The following ATL3 variants were observed in gnomAD, a reference collection of about 807,000 sequenced individuals.
The protein encoded by ATL3 is atlastin GTPase 3, also known as atlastin-3.
In ATL3, 49 loss-of-function variants were observed where a neutral mutation model predicts 69.5. The observed-to-expected ratio is 0.71, with a 90% confidence interval of 0.56 to 0.89. The LOEUF (loss-of-function observed/expected upper bound fraction) is 0.89, where lower values mean the gene tolerates loss of function less well. Ranked by LOEUF, ATL3 falls within the 40% of genes least tolerant of loss-of-function variation. ATL3 has a pLI of 0.00. For missense variants in ATL3, 606 were observed against 645.7 expected (o/e 0.94, Z 0.67); for synonymous variants, 214 against 224.1 (o/e 0.95, Z 0.40).
intron 5 of ATL3, chr11:63,650,530 T>C (rs925788314): frequency 6.6e-6 from 1 of 152,226 alleles, no homozygotes; most frequent in African/African-American, 2.4e-5. Flanking sequence ...AACATATTAC[T>C]TTCTCCTCTG....
chr11:63,651,323 C>T (rs889978604), intron 5 of ATL3, among the ~76,000 whole-genome samples: 8 of 151,738 alleles, frequency 5.3e-5, no homozygotes, highest in East Asian at 1.9e-4. Context: ...GGCATGGTGG[C>T]GCACACCTGT....
chr11:63,658,727 T>C (rs2134522975), intron 3 of ATL3, 34 bp downstream of exon 3: 2 of 1,568,202 alleles, frequency 1.3e-6, no homozygotes, highest in Middle Eastern at 1.7e-4. Context: ...TTGTTGTTGT[T>C]GTTGTTAATC....
intron 4 of ATL3, 78 bp from the exon 5 acceptor site, chr11:63,652,064 A>C (rs978258987): frequency 1.2e-5 from 18 of 1,538,228 alleles, no homozygotes; most frequent in Non-Finnish European, 1.4e-5. Context: ...GGGCTGACAG[A>C]AGCTTTGAAC....
At chr11:63,636,404 T>A in intron 8 of ATL3, 70 bp from the exon 9 acceptor site, 1 of 1,593,388 alleles carries the variant, frequency 6.3e-7, no homozygotes, top group Non-Finnish European at 8.6e-7. Flanking sequence ...GAACACACAA[T>A]GCAGTCTTCC....
Position 63,629,423 on chromosome 11 carries a change from T to C in ATL3, c.1540-18A>G, listed in dbSNP as rs1939232636. ...GAAGAAGCCTGCAAAAGTCCATTTA[T>C]TCAACATATAAGTTAATAAAATACA... is the stretch of plus-strand genomic sequence containing the variant. On this transcript the variant is annotated intron_variant, in intron 12 of 12. Coordinates refer to ENST00000398868, the MANE Select transcript of ATL3 (RefSeq NM_015459.5). 2.5e-6 allele frequency: 4 copies of C among 1,605,972 alleles called. No individual in the cohort carries two copies. The African/African-American group carries it at 5.4e-5, about 21-fold the overall frequency.
chr11:63,652,226 A>G (rs1940099760), intron 4 of ATL3, among the ~76,000 whole-genome samples: 1 of 152,214 alleles, frequency 6.6e-6, no homozygotes, highest in African/African-American at 2.4e-5. Context: ...TGTATTTTCT[A>G]TATGATATAA....
chr11:63,653,167 C>G (rs1389395935), intron 3 of ATL3, among the ~76,000 whole-genome samples: 1 of 151,870 alleles, frequency 6.6e-6, no homozygotes, highest in African/African-American at 2.4e-5. Flanking sequence ...CGTGTCTCTA[C>G]CAAAAATACA....
chr11:63,633,270 T>C (rs1939387870), intron 10 of ATL3, among the ~76,000 whole-genome samples, 173 bp from the exon 11 acceptor site: 2 of 152,126 alleles, frequency 1.3e-5, no homozygotes, highest in Admixed American at 1.3e-4. Context: ...TTCTGCCAAA[T>C]TTTCTACCAA....
chr11:63,668,510 G>T (rs1940653446), intron 1 of ATL3, among the ~76,000 whole-genome samples: 1 of 152,180 alleles, frequency 6.6e-6, no homozygotes, highest in Admixed American at 6.5e-5. Flanking sequence ...TTTGTCTGTT[G>T]TAGAAAATCT....
In ATL3 at chr11:63,636,291, C is replaced by CA; in HGVS notation, c.893_894insT (p.Tyr299ValfsTer7). 1 of 1,614,036 alleles carries CA rather than the reference C, an allele frequency of 6.2e-7. No individual in the cohort carries two copies. The highest frequency in any genetic ancestry group is 8.5e-7 in the Non-Finnish European group (1 of 1,179,996). On this transcript the variant is annotated frameshift_variant, in exon 9 of 13. Coordinates refer to ENST00000398868, the MANE Select transcript of ATL3 (RefSeq NM_015459.5). LOFTEE classifies it high-confidence loss of function. Reference sequence around the variant, plus strand: ...TTAACTTAGATGGGTTTAATACATACGGTATCAGTGCCTGTAACTGCTCTT... The same window carrying CA: ...TTAACTTAGATGGGTTTAATACATACAGGTATCAGTGCCTGTAACTGCTCTT...
chr11:63,648,925 C>A (rs1939979887), intron 5 of ATL3, among the ~76,000 whole-genome samples: 2 of 152,056 alleles, frequency 1.3e-5, no homozygotes, highest in Admixed American at 6.6e-5. Flanking sequence ...TGAGGTCACT[C>A]TGACCAACAT....
At position 63,658,625 on chromosome 11, in the gene ATL3, G is replaced by A. The variant is rs76904415; in HGVS notation, c.405+136C>T. On this transcript the variant is annotated intron_variant, in intron 3 of 12. Coordinates refer to ENST00000398868, the MANE Select transcript of ATL3 (RefSeq NM_015459.5). ...AGACTAAAATTTCAGGACAAAACAG[G>A]GACTTTTTAACTTTTCTTACTTTAC... The A allele has an allele frequency of 1.1e-3, 1,095 of 992,508 alleles. 14 individuals carry two copies. The East Asian group carries it at 0.029, about 26-fold the overall frequency. The allele number at this position is 992,508 out of a possible 1,614,324, so 61.5% of individuals were successfully genotyped here. A position where few individuals can be genotyped will look rare whatever the true frequency, so the allele number is the denominator to read the frequency against.
chr11:63,630,426 CAAAA>C (rs758000337), intron 12 of ATL3, among the ~76,000 whole-genome samples: 1 of 31,268 alleles, frequency 3.2e-5, no homozygotes, highest in African/African-American at 8.6e-5. Context: ...AAATCTGTCT[CAAAA>C]AAAAAAAAAA....
intron 1 of ATL3, 97 bp downstream of exon 1, chr11:63,671,193 G>A: frequency 1.4e-6 from 2 of 1,454,060 alleles, no homozygotes; most frequent in Non-Finnish European, 1.8e-6. Flanking sequence ...CCGGGACGAG[G>A]AAGGGCGGCG....
At chr11:63,635,663 A>C in intron 9 of ATL3, 73 bp from the exon 10 acceptor site, 1 of 1,221,332 alleles carries the variant, frequency 8.2e-7, no homozygotes, top group Non-Finnish European at 1.2e-6. Context: ...ATTTTTAGAA[A>C]GTGACCATAC....
At position 63,671,328 on chromosome 11, in the gene ATL3, GA is replaced by G; in HGVS notation, c.7del (p.Ser3ProfsTer39). MLSPQRVAAAASR... is the reference protein window; with the variant it reads MLXPQRVAAAASR... ...GGCAGCTGCTGCCACTCGCTGAGGG[GA>G]CAACATGGAGCCTCCGCCTTCAAAG... is the stretch of plus-strand genomic sequence containing the variant. On this transcript the variant is annotated frameshift_variant, in exon 1 of 13. Transcript: ENST00000398868. LOFTEE classifies it high-confidence loss of function. 2.5e-6 allele frequency: 4 copies of G among 1,586,288 alleles called. No homozygotes were observed. The highest frequency in any genetic ancestry group is 3.4e-6 in the Non-Finnish European group (4 of 1,168,182).
intron 6 of ATL3, among the ~76,000 whole-genome samples, chr11:63,645,540 C>CAGAG (rs113638692): frequency 1.5e-4 from 23 of 150,458 alleles, no homozygotes; most frequent in African/African-American, 2.7e-4. Context: ...AGACTTTTTG[C>CAGAG]AGAGAGAGAG....
chr11:63,644,382 CTTTTTTTTTTTT>C, intron 6 of ATL3, 121 bp from the exon 7 acceptor site: 2 of 345,020 alleles, frequency 5.8e-6, no homozygotes, highest in Non-Finnish European at 1.0e-5. Flanking sequence ...AAGGATTTAC[CTTTTTTTTTTTT>C]TTTTTTTTTT....
chr11:63,646,289 T>C (rs1939878122), intron 6 of ATL3, among the ~76,000 whole-genome samples: 1 of 152,160 alleles, frequency 6.6e-6, no homozygotes, highest in Admixed American at 6.5e-5. Context: ...ACACTAAAAT[T>C]TTACCTACAG....
Sources: gnomAD v4.1 joint callset for allele counts (sites outside exome capture counted in the v4.1 genomes callset) on GRCh38, gnomAD v4.1.1 for gene constraint, MANE v1.5 for transcripts, NCBI Gene and HGNC (gene_info 2026-07-23, HGNC 2026-07-21) for gene names.